STOX2: variants seen among roughly 807,000 people sequenced by gnomAD.
STOX2 encodes the protein storkhead box 2.
Under a neutral mutation model 60.9 loss-of-function variants are expected in STOX2, and 28 were observed. That is an observed-to-expected ratio of 0.46 (90% CI 0.34 to 0.63). The LOEUF (loss-of-function observed/expected upper bound fraction) is 0.63, where lower values mean the gene tolerates loss of function less well. STOX2 is among the 30% of genes least tolerant of loss of function. STOX2 has a pLI of 0.01. For missense variants in STOX2, 1,024 were observed against 1,187.7 expected (o/e 0.86, Z 2.03); for synonymous variants, 472 against 463.9 (o/e 1.02, Z -0.22).
intron 1 of STOX2, among the ~76,000 whole-genome samples, chr4:183,962,445 C>A (rs1184193397): frequency 6.6e-6 from 1 of 151,858 alleles, no homozygotes; most frequent in Non-Finnish European, 1.5e-5. Flanking sequence ...CTAACAAATG[C>A]AAAATTAATA....
exon 1 of STOX2, chr4:183,798,051 C>T: frequency 4.1e-6 from 5 of 1,228,940 alleles, no homozygotes; most frequent in Non-Finnish European, 5.1e-6. Flanking sequence ...ACATCCGCTG[C>T]CTGGGTGAGT....
chr4:184,013,528 C>T (rs1185681627), intron 3 of STOX2, among the ~76,000 whole-genome samples: 1 of 152,196 alleles, frequency 6.6e-6, no homozygotes, highest in African/African-American at 2.4e-5. Context: ...ATCACCTATA[C>T]ATGTTATACA....
At chr4:183,858,770 A>G (rs1740362147) in intron 1 of STOX2, among the ~76,000 whole-genome samples, 1 of 152,150 alleles carries the variant, frequency 6.6e-6, no homozygotes, top group African/African-American at 2.4e-5. Flanking sequence ...AATCATGATT[A>G]TGTTATCTAT....
intron 1 of STOX2, among the ~76,000 whole-genome samples, chr4:183,976,608 A>G (rs891574248): frequency 2.0e-5 from 3 of 152,152 alleles, no homozygotes; most frequent in Admixed American, 6.6e-5. Flanking sequence ...GTGGGGTACT[A>G]TGCTCACTAC....
intron 1 of STOX2, among the ~76,000 whole-genome samples, chr4:183,812,620 G>A (rs1739061227): frequency 1.5e-5 from 2 of 132,660 alleles, no homozygotes; most frequent in South Asian, 4.6e-4. Context: ...GTGACTACTT[G>A]TGAGGACTGA....
chr4:183,906,873 CCCGCAGCGAGAAGGACT>C lies in STOX2; in HGVS notation c.84_100del (p.Arg29ProfsTer23). On this transcript the variant is annotated frameshift_variant, in exon 1 of 4. Coordinates refer to ENST00000308497, the MANE Select transcript of STOX2 (RefSeq NM_020225.3). LOFTEE classifies it high-confidence loss of function. ...GACCGGGCCTCGGACCGCATGAGGT[CCCGCAGCGAGAAGGACT>C]ACCGCCTGCACAAGCGTTTCCCCGC... 6.4e-7 allele frequency: 1 copy of C among 1,551,552 alleles called. No individual in the cohort carries two copies. The highest frequency in any genetic ancestry group is 8.7e-7 in the Non-Finnish European group (1 of 1,147,064).
chr4:183,814,758 C>T (rs1001440389), intron 1 of STOX2, among the ~76,000 whole-genome samples: 2 of 152,262 alleles, frequency 1.3e-5, no homozygotes, highest in East Asian at 1.9e-4. Context: ...CTGCACATTC[C>T]GTTTGTTGGG....
intron 1 of STOX2, among the ~76,000 whole-genome samples, chr4:183,971,392 C>T (rs1460803823): frequency 6.6e-6 from 1 of 152,194 alleles, no homozygotes; most frequent in Non-Finnish European, 1.5e-5. Flanking sequence ...ATGATCTGGT[C>T]TGTGGGTCAT....
intron 1 of STOX2, among the ~76,000 whole-genome samples, chr4:183,953,385 T>C (rs1389584880): frequency 6.6e-6 from 1 of 152,158 alleles, no homozygotes; most frequent in Non-Finnish European, 1.5e-5. Context: ...GTTGCCCCTT[T>C]ACCACTTTGC....
intron 1 of STOX2, among the ~76,000 whole-genome samples, chr4:183,809,545 C>A (rs28530521): frequency 0.011 from 1,697 of 152,182 alleles, 33 homozygotes; most frequent in African/African-American, 0.038. Flanking sequence ...ATTCCAGGCA[C>A]GTGCCATCAC....
chr4:183,942,314 T>C (rs1742774051), intron 1 of STOX2, among the ~76,000 whole-genome samples: 1 of 150,544 alleles, frequency 6.6e-6, no homozygotes, highest in Non-Finnish European at 1.5e-5. Context: ...ATTATATATA[T>C]ATATATGTGC....
At chr4:183,953,905 C>T (rs1743167590) in intron 1 of STOX2, among the ~76,000 whole-genome samples, 1 of 152,038 alleles carries the variant, frequency 6.6e-6, no homozygotes, top group Non-Finnish European at 1.5e-5. Flanking sequence ...TCAAAACTTG[C>T]CCAGAGTCCT....
In STOX2 at chr4:183,947,241, A is replaced by G. The variant is rs77109656; in HGVS notation, c.166+40285A>G. On this transcript the variant is annotated intron_variant, in intron 1 of 3. Transcript: ENST00000308497. ...TAAATGCTCTGTGAGTAGTCATTAT[A>G]CTGTATTTTTAAAATTTCTATTATT... Among the ~76,000 whole-genome samples the G allele has an allele frequency of 8.6e-3, 1,317 of 152,274 alleles. 24 individuals carry two copies. Among genetic ancestry groups the G allele is most frequent in the African/African-American group, 0.03 (1,237 of 41,550 alleles).
At chr4:183,828,182 G>A (rs1187112523) in intron 1 of STOX2, among the ~76,000 whole-genome samples, 3 of 152,168 alleles carry the variant, frequency 2.0e-5, no homozygotes, top group East Asian at 1.9e-4. Context: ...TGCAAGGCAC[G>A]GTTTGAGGCT....
intron 1 of STOX2, among the ~76,000 whole-genome samples, chr4:183,946,484 A>G (rs1742892521): frequency 6.6e-6 from 1 of 152,190 alleles, no homozygotes. Context: ...AATGTCCTCC[A>G]TATCTGTGGG....
At chr4:184,014,110 C>CAAAAAAAAAAAAAA (rs10527539) in intron 3 of STOX2, 2 of 138,642 alleles carry the variant, frequency 1.4e-5, no homozygotes, top group African/African-American at 5.4e-5. Context: ...AAGCCCCAAC[C>CAAAAAAAAAAAAAA]AAAAAAAAAA....
intron 1 of STOX2, among the ~76,000 whole-genome samples, chr4:183,949,249 C>A (rs963503545): frequency 1.3e-5 from 2 of 152,106 alleles, no homozygotes; most frequent in African/African-American, 2.4e-5. Context: ...ACTCAGGAGC[C>A]AAATTACAAA....
chr4:184,008,308 A>G (rs893318109), intron 2 of STOX2, among the ~76,000 whole-genome samples: 7 of 152,252 alleles, frequency 4.6e-5, no homozygotes, highest in Non-Finnish European at 7.3e-5. Flanking sequence ...AAGGTAGACG[A>G]GGCATAAACA....
chr4:183,862,111 G>C (rs751171102), intron 1 of STOX2, among the ~76,000 whole-genome samples: 2 of 152,212 alleles, frequency 1.3e-5, no homozygotes, highest in Non-Finnish European at 2.9e-5. Flanking sequence ...GCAGGAGCCA[G>C]ACAACAAAAG....
Sources: gnomAD v4.1 joint callset for allele counts (sites outside exome capture counted in the v4.1 genomes callset) on GRCh38, gnomAD v4.1.1 for gene constraint, MANE v1.5 for transcripts, NCBI Gene and HGNC (gene_info 2026-07-23, HGNC 2026-07-21) for gene names.